Variants in ITGBL1 observed in about 807,000 individuals in gnomAD.
ITGBL1 encodes the protein integrin subunit beta like 1.
A neutral mutation model predicts 68.5 loss-of-function variants in ITGBL1; 51 were observed. That is an observed-to-expected ratio of 0.74 (90% CI 0.59 to 0.94). The LOEUF is 0.94. ITGBL1 is among the 40% of genes least tolerant of loss of function. The pLI, the probability that ITGBL1 is intolerant of heterozygous loss-of-function variation, is 0.00. For missense variants in ITGBL1, 649 were observed against 647.4 expected, an observed-to-expected ratio of 1.00 and a Z score of -0.03; for synonymous variants, 209 against 227.3, an observed-to-expected ratio of 0.92 and a Z score of 0.72.
At chr13:101,535,533 C>G (rs1285011615) in intron 2 of ITGBL1, among the ~76,000 whole-genome samples, 1 of 152,112 alleles carries the variant, frequency 6.6e-6, no homozygotes, top group Non-Finnish European at 1.5e-5. Flanking sequence ...TAAAATTCCT[C>G]TGACTTGAGA....
chr13:101,655,358 C>A (rs2032886678), intron 7 of ITGBL1, among the ~76,000 whole-genome samples: 1 of 151,732 alleles, frequency 6.6e-6, no homozygotes, highest in Non-Finnish European at 1.5e-5. Flanking sequence ...TTTAAATGTA[C>A]TGAAACGCAA....
intron 2 of ITGBL1, among the ~76,000 whole-genome samples, chr13:101,528,668 A>G (rs1022014728): frequency 3.3e-5 from 5 of 152,118 alleles, no homozygotes; most frequent in East Asian, 1.9e-4. Context: ...TGTTCTCCAC[A>G]TACTGAATGT....
At chr13:101,663,724 A>T (rs1479654887) in intron 7 of ITGBL1, among the ~76,000 whole-genome samples, 2 of 152,188 alleles carry the variant, frequency 1.3e-5, no homozygotes, top group Non-Finnish European at 2.9e-5. Flanking sequence ...TTCTCTAATT[A>T]ATTGTCTCCA....
At chr13:101,521,811 C>A (rs1035095283) in intron 2 of ITGBL1, among the ~76,000 whole-genome samples, 1 of 152,028 alleles carries the variant, frequency 6.6e-6, no homozygotes. Flanking sequence ...TCCTTTCTTT[C>A]TTTTTCCTTA....
chr13:101,501,736 G>A (rs1178903329), intron 2 of ITGBL1, among the ~76,000 whole-genome samples: 1 of 152,050 alleles, frequency 6.6e-6, no homozygotes, highest in Non-Finnish European at 1.5e-5. Context: ...TTTGTTCTAT[G>A]GAATATACTA....
Position 101,522,219 on chromosome 13 carries a change from G to A in ITGBL1, c.317-45480G>A, listed in dbSNP as rs976197492. 2.6e-5 allele frequency among the ~76,000 whole-genome samples: 4 copies of A among 152,208 alleles called. No individual in the cohort carries two copies. The East Asian group carries it at 7.7e-4, about 29-fold the overall frequency. On this transcript the variant is annotated intron_variant, in intron 2 of 10. Transcript: ENST00000376180. ...ATGGGAAGTGAAGACTTCAACATAC[G>A]AATGTTGGGGGGACACAATTTGGCT...
At chr13:101,710,770 C>T (rs1246414435) in intron 9 of ITGBL1, 1 of 152,156 alleles carries the variant, frequency 6.6e-6, no homozygotes, top group Non-Finnish European at 1.5e-5. Context: ...ACGTGCACTT[C>T]CCATGAGCTG....
At chr13:101,679,885 A>T (rs1037993866) in intron 7 of ITGBL1, among the ~76,000 whole-genome samples, 9 of 152,172 alleles carry the variant, frequency 5.9e-5, no homozygotes, top group African/African-American at 2.2e-4. Flanking sequence ...AGAAGAGAAA[A>T]TTATATTAGT....
chr13:101,452,711 C>T lies in ITGBL1; in HGVS notation c.-123C>T. 1.4e-6 allele frequency: 1 copy of T among 740,602 alleles called. No homozygotes were observed. Among genetic ancestry groups the T allele is most frequent in the East Asian group, 2.5e-5 (1 of 40,286 alleles). 45.9% of individuals were successfully genotyped at this position (740,602 alleles called of 1,614,324 possible). A position where few individuals can be genotyped will look rare whatever the true frequency, so the allele number is the denominator to read the frequency against. Reference sequence around the variant, plus strand: ...CGGCTGGAGCCCCGGACCTGCAAGCCTGGGTGTCCGTGGGTCCGTCTGCCC... The same window carrying T: ...CGGCTGGAGCCCCGGACCTGCAAGCTTGGGTGTCCGTGGGTCCGTCTGCCC... On this transcript the variant is annotated 5_prime_UTR_variant, in exon 1 of 11. Coordinates refer to ENST00000376180, the MANE Select transcript of ITGBL1 (RefSeq NM_004791.3).
intron 7 of ITGBL1, among the ~76,000 whole-genome samples, chr13:101,677,303 G>T (rs1353588183): frequency 6.7e-6 from 1 of 149,984 alleles, no homozygotes; most frequent in Non-Finnish European, 1.5e-5. Context: ...ATATGTGTAG[G>T]TCTATTTGTG....
In ITGBL1 at chr13:101,578,388, G is replaced by C. The variant is rs145809367; in HGVS notation, c.587-899G>C. 7.5e-3 allele frequency among the ~76,000 whole-genome samples: 1,146 copies of C among 152,232 alleles called. 15 individuals are homozygous for C. The highest frequency in any genetic ancestry group is 0.026 in the African/African-American group (1,068 of 41,536). ...AAACTCCTATAATACAGAAAGAATA[G>C]ACTAAAAACAAAACAAGAACAAGGA... is the stretch of plus-strand genomic sequence containing the variant. On this transcript the variant is annotated intron_variant, in intron 4 of 10. Coordinates refer to ENST00000376180, the MANE Select transcript of ITGBL1 (RefSeq NM_004791.3).
chr13:101,544,551 T>A (rs905594426), intron 2 of ITGBL1, among the ~76,000 whole-genome samples: 3 of 152,170 alleles, frequency 2.0e-5, no homozygotes, highest in African/African-American at 7.2e-5. Context: ...TCCAGCTGCA[T>A]GCTGGGAGAA....
chr13:101,458,765 T>A (rs1350998436), intron 2 of ITGBL1, among the ~76,000 whole-genome samples: 3 of 152,224 alleles, frequency 2.0e-5, no homozygotes, highest in Non-Finnish European at 4.4e-5. Flanking sequence ...GTTGTTATAC[T>A]GTATGTTAGT....
chr13:101,623,863 C>G (rs1054821181), intron 7 of ITGBL1, among the ~76,000 whole-genome samples: 3 of 152,122 alleles, frequency 2.0e-5, no homozygotes, highest in African/African-American at 7.2e-5. Flanking sequence ...ACCTTCTGGC[C>G]TTCTGGGCCT....
chr13:101,575,397 A>G (rs1312953054), intron 3 of ITGBL1, 27 bp from the exon 4 acceptor site: 4 of 1,605,136 alleles, frequency 2.5e-6, no homozygotes, highest in Non-Finnish European at 3.4e-6. Context: ...CATGTAACAA[A>G]CAGTCTTTTT....
intron 3 of ITGBL1, among the ~76,000 whole-genome samples, chr13:101,572,314 C>T (rs906526386): frequency 2.0e-5 from 3 of 151,946 alleles, no homozygotes; most frequent in African/African-American, 7.3e-5. Flanking sequence ...GGGAATGAGA[C>T]TGAAGGGCAG....
chr13:101,571,478 G>A (rs1015904612), intron 3 of ITGBL1, among the ~76,000 whole-genome samples: 25 of 151,848 alleles, frequency 1.6e-4, no homozygotes, highest in African/African-American at 5.8e-4. Context: ...TTCAATTTTA[G>A]GTTTTATAAT....
chr13:101,711,451 G>T (rs9585759), intron 9 of ITGBL1: 14,888 of 152,326 alleles, frequency 0.098, 944 homozygotes, highest in African/African-American at 0.18. Context: ...CCTCAGCCTG[G>T]TGTTCAAGTT....
chr13:101,544,654 G>A (rs1045630699), intron 2 of ITGBL1, among the ~76,000 whole-genome samples: 2 of 152,204 alleles, frequency 1.3e-5, no homozygotes, highest in African/African-American at 2.4e-5. Flanking sequence ...CCCCAGAGGT[G>A]GAGTCTACAG....
Sources: gnomAD v4.1 joint callset for allele counts (sites outside exome capture counted in the v4.1 genomes callset) on GRCh38, gnomAD v4.1.1 for gene constraint, MANE v1.5 for transcripts, NCBI Gene and HGNC (gene_info 2026-07-23, HGNC 2026-07-21) for gene names.